MYOM3: variants seen among roughly 807,000 people sequenced by gnomAD.
MYOM3 encodes myomesin-3.
Under a neutral mutation model 191.7 loss-of-function variants are expected in MYOM3, and 155 were observed. That is an observed-to-expected ratio of 0.81 (90% CI 0.71 to 0.92). The LOEUF (loss-of-function observed/expected upper bound fraction) is 0.92. MYOM3 is among the 40% of genes least tolerant of loss of function. MYOM3 has a pLI of 0.00. For synonymous variants in MYOM3, 757 were observed against 762.9 expected, an observed-to-expected ratio of 0.99 and a Z score of 0.13; for missense variants, 1,889 against 1,890.6, an observed-to-expected ratio of 1.00 and a Z score of 0.02.
chr1:24,102,042 G>GTC (rs1482558526), intron 5 of MYOM3, among the ~76,000 whole-genome samples: 1 of 152,166 alleles, frequency 6.6e-6, no homozygotes, highest in Non-Finnish European at 1.5e-5. Flanking sequence ...ATGGAATGGA[G>GTC]TCTCATGGGA....
intron 3 of MYOM3, 68 bp downstream of exon 3, chr1:24,107,925 G>C: frequency 7.3e-7 from 1 of 1,365,246 alleles, no homozygotes; most frequent in Admixed American, 2.0e-5. Flanking sequence ...AGGCCAGCAG[G>C]GAGGCCGGGG....
chr1:24,104,064 G>A (rs1175537372), intron 5 of MYOM3, among the ~76,000 whole-genome samples: 1 of 152,206 alleles, frequency 6.6e-6, no homozygotes, highest in African/African-American at 2.4e-5. Flanking sequence ...CATTGGCTGT[G>A]TGACCTTAGA....
intron 29 of MYOM3, 107 bp from the exon 30 acceptor site, chr1:24,064,266 G>A: frequency 1.2e-6 from 1 of 802,144 alleles, no homozygotes; most frequent in Non-Finnish European, 2.0e-6. Flanking sequence ...CTCTCTGTGT[G>A]ACCTCAGGTA....
intron 33 of MYOM3, 76 bp downstream of exon 33, chr1:24,061,870 G>A: frequency 6.6e-7 from 1 of 1,525,640 alleles, no homozygotes; most frequent in Non-Finnish European, 9.0e-7. Flanking sequence ...GGGATTACAG[G>A]ACTGACCCAG....
Position 24,105,620 on chromosome 1 carries a change from G to A in MYOM3, c.560+300C>T, listed in dbSNP as rs567656087. Among the ~76,000 whole-genome samples, 228 of 152,368 alleles carry A rather than the reference G, an allele frequency of 1.5e-3. 1 individual carries two copies. Among genetic ancestry groups the A allele is most frequent in the Non-Finnish European group, 8.8e-4 (60 of 68,024 alleles). ...AGAATAACCCAGGCCTAAGCTGGGC[G>A]TGGTGGCTTGTGCCTGTGGTCCCAG... On this transcript the variant is annotated intron_variant, in intron 5 of 36. Coordinates refer to ENST00000374434, the MANE Select transcript of MYOM3 (RefSeq NM_152372.4).
Position 24,111,383 on chromosome 1 carries a change from C to T in MYOM3, c.-19+648G>A, listed in dbSNP as rs926102885. Among the ~76,000 whole-genome samples, 4 of 152,182 alleles carry T rather than the reference C, an allele frequency of 2.6e-5. No individual in the cohort carries two copies. The highest frequency in any genetic ancestry group is 4.1e-4 in the South Asian group (2 of 4,830). ...ACCCCTCCAGGAGCTGCGATGGGGG[C>T]GGATGGTGGCTGGGAGCAGAGACAC... is the stretch of plus-strand genomic sequence containing the variant. On this transcript the variant is annotated intron_variant, in intron 1 of 36. Coordinates refer to ENST00000374434, the MANE Select transcript of MYOM3 (RefSeq NM_152372.4). The surrounding 1 kb of genome is among the most constrained non-coding windows in gnomAD (Gnocchi z 4.7).
intron 20 of MYOM3, among the ~76,000 whole-genome samples, chr1:24,079,557 G>A (rs757689695): frequency 2.6e-5 from 4 of 151,996 alleles, no homozygotes; most frequent in Non-Finnish European, 5.9e-5. Context: ...TATACTGCCT[G>A]GCACAGGATT....
At chr1:24,084,703 A>AGGGGAGGAGCATGGGGAGAGGC in intron 15 of MYOM3, 64 bp from the exon 16 acceptor site, 1 of 1,470,456 alleles carries the variant, frequency 6.8e-7, no homozygotes, top group East Asian at 2.3e-5. Context: ...AGGCTGGGGA[A>AGGGGAGGAGCATGGGGAGAGGC]GGGGAGGAGC....
chr1:24,080,741 T>G (rs957043465), intron 19 of MYOM3, among the ~76,000 whole-genome samples: 1 of 152,230 alleles, frequency 6.6e-6, no homozygotes, highest in African/African-American at 2.4e-5. Flanking sequence ...TGTTTATAAT[T>G]GTGGTTGTCG....
intron 25 of MYOM3, among the ~76,000 whole-genome samples, chr1:24,069,594 CT>C (rs1248799877): frequency 8.0e-6 from 1 of 124,490 alleles, no homozygotes; most frequent in Admixed American, 9.4e-5. Context: ...TTCCTTTTTT[CT>C]TTTCTTTCTT....
rs750744346 is a variant in MYOM3, at chr1:24,093,050, G to A, written c.987C>T (p.Ser329=). 1.2e-6 allele frequency: 2 copies of A among 1,613,158 alleles called. No homozygotes were observed. Among genetic ancestry groups the A allele is most frequent in the African/African-American group, 1.3e-5 (1 of 74,946 alleles). ...RKILYTDRQA[S]LKVSCTYKED... ...CCTTGTAGGTGCAGGACACCTTCAG[G>A]GATGCCTGGCGGTCTGTGTAGAGGA... The change falls in exon 10 of 37, where the codon TCC becomes TCT. Residue 329 remains serine (S), a synonymous_variant. Coordinates refer to ENST00000374434, the MANE Select transcript of MYOM3 (RefSeq NM_152372.4).
intron 21 of MYOM3, among the ~76,000 whole-genome samples, chr1:24,075,883 GAATA>G (rs1570864244): frequency 6.6e-6 from 1 of 152,214 alleles, no homozygotes; most frequent in African/African-American, 2.4e-5. Context: ...TTAAATGAAT[GAATA>G]ATTAAAAGAA....
chr1:24,068,450 G>A, intron 25 of MYOM3, 83 bp from the exon 26 acceptor site: 4 of 1,539,268 alleles, frequency 2.6e-6, no homozygotes, highest in Non-Finnish European at 3.6e-6. Flanking sequence ...GTGGGCTTGG[G>A]GGTGGTAAGC....
chr1:24,107,045 C>T, intron 4 of MYOM3, 28 bp downstream of exon 4: 2 of 1,584,974 alleles, frequency 1.3e-6, no homozygotes, highest in Non-Finnish European at 1.7e-6. Context: ...GGTCCCAGGC[C>T]CTGGGGCTCC....
chr1:24,105,286 C>A (rs974546870), intron 5 of MYOM3, among the ~76,000 whole-genome samples: 1 of 152,234 alleles, frequency 6.6e-6, no homozygotes, highest in Non-Finnish European at 1.5e-5. Flanking sequence ...CAGGACCAGG[C>A]AGTTTAAGAG....
intron 19 of MYOM3, among the ~76,000 whole-genome samples, chr1:24,080,699 T>G (rs1643656664): frequency 4.6e-5 from 7 of 152,236 alleles, no homozygotes; most frequent in Admixed American, 4.6e-4. Flanking sequence ...GAAAAGTGTT[T>G]GGTACCTAGT....
At chr1:24,069,901 CG>C (rs67129014) in intron 25 of MYOM3, among the ~76,000 whole-genome samples, 8,928 of 151,802 alleles carry the variant, frequency 0.059, 818 homozygotes, top group African/African-American at 0.19. Flanking sequence ...ATGGGCACCC[CG>C]CCCAGCCACA....
intron 5 of MYOM3, among the ~76,000 whole-genome samples, 179 bp downstream of exon 5, chr1:24,105,741 G>A (rs1643976511): frequency 6.6e-6 from 1 of 152,184 alleles, no homozygotes; most frequent in Admixed American, 6.5e-5. Flanking sequence ...GCCTGAGCGA[G>A]GCCCCGCCTC....
At chr1:24,088,368 G>A (rs887927696) in intron 14 of MYOM3, among the ~76,000 whole-genome samples, 4 of 152,122 alleles carry the variant, frequency 2.6e-5, no homozygotes, top group African/African-American at 9.7e-5. Flanking sequence ...CTTTATGTGC[G>A]CTAATTAATT....
Sources: allele counts gnomAD v4.1 joint callset (sites outside exome capture counted in the v4.1 genomes callset), GRCh38; gene constraint gnomAD v4.1.1; non-coding constraint Gnocchi (gnomAD v3.1); transcripts MANE v1.5; gene names NCBI Gene and HGNC (gene_info 2026-07-23, HGNC 2026-07-21).